MALRD1: variants seen among roughly 807,000 people sequenced by gnomAD.
MALRD1 encodes the protein MAM and LDL-receptor class A domain-containing protein 1.
Under a neutral mutation model 242.1 loss-of-function variants are expected in MALRD1, and 247 were observed. The ratio of observed to expected loss-of-function variants is 1.02; its 90% CI spans 0.92 to 1.13. The LOEUF (loss-of-function observed/expected upper bound fraction) is 1.13. Ranked by LOEUF, MALRD1 falls within the 50% of genes most tolerant of loss-of-function variation. MALRD1 has a pLI of 0.00. For synonymous variants in MALRD1, 995 were observed against 866.6 expected (o/e 1.15, Z -2.60); for missense variants, 2,989 against 2,533.1 (o/e 1.18, Z -3.86).
intron 18 of MALRD1, among the ~76,000 whole-genome samples, chr10:19,234,070 A>G (rs375582844): frequency 2.0e-5 from 3 of 152,228 alleles, no homozygotes; most frequent in South Asian, 4.1e-4. Context: ...AAATAGAAAT[A>G]GTATCAAGAC....
At chr10:19,309,963 C>T (rs1842360046) in intron 21 of MALRD1, among the ~76,000 whole-genome samples, 2 of 151,374 alleles carry the variant, frequency 1.3e-5, no homozygotes. Flanking sequence ...ATTGCCCCAT[C>T]CAAAAGAAAA....
intron 21 of MALRD1, among the ~76,000 whole-genome samples, chr10:19,288,687 G>C (rs1201865570): frequency 6.6e-6 from 1 of 152,044 alleles, no homozygotes; most frequent in Non-Finnish European, 1.5e-5. Context: ...CCCAAGTCCT[G>C]CGAGATCCCA....
chr10:19,547,820 T>TA (rs1564431955), intron 32 of MALRD1, among the ~76,000 whole-genome samples: 10 of 15,810 alleles, frequency 6.3e-4, no homozygotes, highest in East Asian at 2.4e-3. Flanking sequence ...ATATATATAT[T>TA]TTTTTTTTTT....
intron 33 of MALRD1, among the ~76,000 whole-genome samples, chr10:19,589,438 G>C (rs1371874766): frequency 6.6e-6 from 1 of 152,122 alleles, no homozygotes; most frequent in Non-Finnish European, 1.5e-5. Flanking sequence ...GAATAAATCA[G>C]TTGCAAACAA....
At chr10:19,306,313 G>A (rs934204352) in intron 21 of MALRD1, among the ~76,000 whole-genome samples, 21 of 134,934 alleles carry the variant, frequency 1.6e-4, no homozygotes, top group South Asian at 4.5e-4. Flanking sequence ...TATATATACC[G>A]TATATAGTAT....
intron 30 of MALRD1, 38 bp downstream of exon 30, chr10:19,491,683 C>G: frequency 1.3e-6 from 2 of 1,534,746 alleles, no homozygotes; most frequent in Non-Finnish European, 1.8e-6. Context: ...GCCAGTTCAG[C>G]AGATATTTTC....
chr10:19,257,610 A>G (rs777215888), intron 18 of MALRD1, 74 bp from the exon 19 acceptor site: 4 of 1,134,568 alleles, frequency 3.5e-6, no homozygotes, highest in Non-Finnish European at 5.0e-6. Context: ...ATTCCTCTTC[A>G]TCCATTCCAT....
At chr10:19,213,832 T>G (rs1204967488) in intron 18 of MALRD1, among the ~76,000 whole-genome samples, 1 of 152,164 alleles carries the variant, frequency 6.6e-6, no homozygotes, top group African/African-American at 2.4e-5. Flanking sequence ...TGGAAAGAGT[T>G]TGACTCTTTT....
At chr10:19,331,836 A>G (rs1450367803) in intron 24 of MALRD1, among the ~76,000 whole-genome samples, 1 of 152,176 alleles carries the variant, frequency 6.6e-6, no homozygotes, top group Admixed American at 6.6e-5. Flanking sequence ...GGTGTCTTCA[A>G]AGAAAAACAG....
intron 29 of MALRD1, among the ~76,000 whole-genome samples, chr10:19,457,283 A>T (rs564235351): frequency 2.0e-5 from 3 of 152,162 alleles, no homozygotes; most frequent in African/African-American, 7.2e-5. Flanking sequence ...AGCACTTGAC[A>T]TATCTGTCAA....
At chr10:19,591,230 TA>T (rs1236881121) in intron 33 of MALRD1, among the ~76,000 whole-genome samples, 2 of 152,210 alleles carry the variant, frequency 1.3e-5, no homozygotes, top group Non-Finnish European at 2.9e-5. Context: ...TTCAGAGTAT[TA>T]AAAAGAGAAC....
intron 33 of MALRD1, among the ~76,000 whole-genome samples, chr10:19,584,062 G>A (rs1349984094): frequency 6.6e-6 from 1 of 150,584 alleles, no homozygotes; most frequent in Non-Finnish European, 1.5e-5. Context: ...TGTGGGATCG[G>A]TGGTGATATC....
chr10:19,454,764 A>C (rs1207991638), intron 29 of MALRD1, among the ~76,000 whole-genome samples: 1 of 151,152 alleles, frequency 6.6e-6, no homozygotes, highest in African/African-American at 2.4e-5. Flanking sequence ...TATGTACCGT[A>C]ATATGTATGG....
Position 19,064,508 on chromosome 10 carries a change from C to CTTT in MALRD1, c.200-2202_200-2200dup, listed in dbSNP as rs569891101. Among the ~76,000 whole-genome samples the CTTT allele has an allele frequency of 2.7e-3, 391 of 142,304 alleles. 1 individual carries two copies. Among genetic ancestry groups the CTTT allele is most frequent in the African/African-American group, 9.0e-3 (351 of 38,994 alleles). The allele number at this position is 142,304 out of a possible 152,430, so 93.4% of individuals were successfully genotyped here. A position where few individuals can be genotyped will look rare whatever the true frequency, so the allele number is the denominator to read the frequency against. On this transcript the variant is annotated intron_variant, in intron 1 of 39. Transcript: ENST00000454679. The stretch of plus-strand genomic sequence containing the variant: ...GGCAGTTATTAGAAGTTCAGGATTG[C>CTTT]TTTTTTTTTTTGGTAAGAATTAATT...
intron 33 of MALRD1, among the ~76,000 whole-genome samples, chr10:19,591,607 T>C (rs890227511): frequency 2.7e-5 from 4 of 150,712 alleles, no homozygotes; most frequent in Admixed American, 2.0e-4. Flanking sequence ...CAAGCGATAA[T>C]CTTGCCTTAG....
intron 9 of MALRD1, among the ~76,000 whole-genome samples, chr10:19,135,593 G>A (rs545080073): frequency 1.3e-5 from 2 of 152,238 alleles, no homozygotes; most frequent in South Asian, 2.1e-4. Context: ...CTGCCTAATG[G>A]AAATGCTTTA....
chr10:19,066,532 G>T (rs982315753), intron 1 of MALRD1, among the ~76,000 whole-genome samples, 187 bp from the exon 2 acceptor site: 5 of 152,196 alleles, frequency 3.3e-5, no homozygotes, highest in African/African-American at 1.2e-4. Context: ...TGTTTTCGTT[G>T]TGGTAACTTA....
At chr10:19,475,137 C>G (rs558928002) in intron 29 of MALRD1, among the ~76,000 whole-genome samples, 173 of 152,256 alleles carry the variant, frequency 1.1e-3, no homozygotes, top group African/African-American at 4.0e-3. Flanking sequence ...ACTTTCTGGC[C>G]GGGCGCAGTG....
chr10:19,212,320 T>C (rs1837106614), intron 18 of MALRD1, among the ~76,000 whole-genome samples: 1 of 152,208 alleles, frequency 6.6e-6, no homozygotes, highest in Non-Finnish European at 1.5e-5. Context: ...AAAATGTATA[T>C]AAATAAAATT....
Sources: gnomAD v4.1 joint callset for allele counts (sites outside exome capture counted in the v4.1 genomes callset) on GRCh38, gnomAD v4.1.1 for gene constraint, MANE v1.5 for transcripts, NCBI Gene and HGNC (gene_info 2026-07-23, HGNC 2026-07-21) for gene names.